MAST4: variants seen among roughly 807,000 people sequenced by gnomAD.
MAST4 encodes microtubule-associated serine/threonine-protein kinase 4.
In MAST4, 89 loss-of-function variants were observed where a neutral mutation model predicts 162.7. That is an observed-to-expected ratio of 0.55 (90% confidence interval 0.46 to 0.65). MAST4 has a LOEUF of 0.65. Ranked by LOEUF, MAST4 falls within the 30% of genes least tolerant of loss-of-function variation. The pLI is 0.00. For synonymous variants in MAST4, 1,479 were observed against 1,361.1 expected (o/e 1.09, Z -1.91); for missense variants, 3,153 against 3,374.0 (o/e 0.93, Z 1.62).
At chr5:66,747,606 C>G (rs1332115790) in intron 1 of MAST4, among the ~76,000 whole-genome samples, 1 of 152,180 alleles carries the variant, frequency 6.6e-6, no homozygotes, top group Non-Finnish European at 1.5e-5. Context: ...CTGTGCTCTT[C>G]CTCTGTCCCG....
chr5:66,656,322 T>C (rs1484174883), intron 1 of MAST4, among the ~76,000 whole-genome samples: 2 of 152,250 alleles, frequency 1.3e-5, no homozygotes, highest in Non-Finnish European at 2.9e-5. Flanking sequence ...AAATTTGCCT[T>C]CTCTGGCATG....
intron 3 of MAST4, among the ~76,000 whole-genome samples, chr5:66,800,845 T>G (rs1190118691): frequency 6.6e-6 from 1 of 152,180 alleles, no homozygotes; most frequent in Non-Finnish European, 1.5e-5. Context: ...ATAAAAAATA[T>G]GAGTTGTAGG....
intron 4 of MAST4, among the ~76,000 whole-genome samples, chr5:67,002,774 G>A (rs1751438979): frequency 6.6e-6 from 1 of 151,924 alleles, no homozygotes; most frequent in South Asian, 2.1e-4. Context: ...GAGATTTAAG[G>A]TCATAGTAAG....
chr5:66,768,178 G>A (rs753910647), intron 2 of MAST4, among the ~76,000 whole-genome samples: 1 of 152,250 alleles, frequency 6.6e-6, no homozygotes, highest in Non-Finnish European at 1.5e-5. Flanking sequence ...GAAATATAAA[G>A]TATGAGCTGG....
intron 4 of MAST4, among the ~76,000 whole-genome samples, chr5:67,049,078 T>TACGTATATATATATATAC: frequency 2.2e-5 from 3 of 138,786 alleles, no homozygotes; most frequent in African/African-American, 8.4e-5. Flanking sequence ...TATATATATA[T>TACGTATATATATATATAC]ACACTACCAT....
chr5:66,733,782 G>T (rs1254893875), intron 1 of MAST4, among the ~76,000 whole-genome samples: 3 of 151,810 alleles, frequency 2.0e-5, no homozygotes, highest in Non-Finnish European at 4.4e-5. Context: ...TTTTTAAAGT[G>T]AAATTATAAT....
chr5:66,751,689 C>T (rs7728362), intron 1 of MAST4, among the ~76,000 whole-genome samples: 2 of 147,718 alleles, frequency 1.4e-5, no homozygotes, highest in South Asian at 2.3e-4. Context: ...GAAAGTGATG[C>T]GGAGAATGGA....
chr5:67,097,574 C>T lies in MAST4; in HGVS notation c.912+1899C>T, dbSNP rs764215979. Among the ~76,000 whole-genome samples the T allele has an allele frequency of 2.6e-5, 4 of 152,186 alleles. No homozygotes were observed. In the East Asian group the frequency reaches 5.8e-4, roughly 22 times the overall value. ...ACCTGGTCGTCAGTCAAAATGAAAT[C>T]GTTGCTGTCTCTAAATTCTGTATGT... On this transcript the variant is annotated intron_variant, in intron 7 of 28. Coordinates refer to ENST00000403625, the MANE Select transcript of MAST4 (RefSeq NM_001164664.2).
chr5:66,630,309 A>G (rs1309342791), intron 1 of MAST4, among the ~76,000 whole-genome samples: 1 of 152,188 alleles, frequency 6.6e-6, no homozygotes, highest in Non-Finnish European at 1.5e-5. Context: ...AAACTTGATC[A>G]CTTTTGTTCT....
intron 4 of MAST4, among the ~76,000 whole-genome samples, chr5:66,934,089 G>T: frequency 6.6e-6 from 1 of 151,848 alleles, no homozygotes; most frequent in Admixed American, 6.6e-5. Flanking sequence ...CAACATAATT[G>T]CAAAAAAAGT....
chr5:66,685,914 G>T (rs1561261553), intron 1 of MAST4, among the ~76,000 whole-genome samples: 1 of 152,144 alleles, frequency 6.6e-6, no homozygotes, highest in Non-Finnish European at 1.5e-5. Flanking sequence ...GGATGAAACT[G>T]TTCCACCTCA....
intron 3 of MAST4, among the ~76,000 whole-genome samples, chr5:66,861,902 A>T (rs1479511549): frequency 2.0e-5 from 3 of 152,164 alleles, no homozygotes; most frequent in Admixed American, 2.0e-4. Context: ...TCAGTGTTGT[A>T]ATGATGATTG....
intron 1 of MAST4, among the ~76,000 whole-genome samples, chr5:66,755,800 T>C (rs1449639085): frequency 1.3e-5 from 2 of 152,146 alleles, no homozygotes; most frequent in African/African-American, 4.8e-5. Context: ...ATCTACTCTG[T>C]GATTTTCAAG....
chr5:67,089,395 G>A (rs969867546), intron 5 of MAST4, among the ~76,000 whole-genome samples: 3 of 152,170 alleles, frequency 2.0e-5, no homozygotes, highest in Admixed American at 6.5e-5. Flanking sequence ...TCCTTCCAAC[G>A]AGCAATCACT....
At chr5:66,942,215 A>G (rs1039312433) in intron 4 of MAST4, among the ~76,000 whole-genome samples, 1 of 152,124 alleles carries the variant, frequency 6.6e-6, no homozygotes, top group Non-Finnish European at 1.5e-5. Context: ...GAGCACAATA[A>G]AACTAGGTAT....
At chr5:66,813,559 T>C (rs1327156373) in intron 3 of MAST4, among the ~76,000 whole-genome samples, 3 of 152,262 alleles carry the variant, frequency 2.0e-5, no homozygotes, top group Admixed American at 2.0e-4. Context: ...TGCAGGAGAA[T>C]TTCCTCCAGG....
intron 7 of MAST4, among the ~76,000 whole-genome samples, chr5:67,099,805 C>G (rs1419493931): frequency 6.6e-6 from 1 of 151,710 alleles, no homozygotes. Flanking sequence ...TTCACCACCA[C>G]TTGAAGGTTT....
chr5:67,039,416 G>A (rs1282199071), intron 4 of MAST4, among the ~76,000 whole-genome samples: 4 of 152,208 alleles, frequency 2.6e-5, no homozygotes, highest in Non-Finnish European at 5.9e-5. Flanking sequence ...CAGGAATCCA[G>A]GGACACAGTG....
At chr5:66,785,032 T>C (rs143710797) in intron 2 of MAST4, among the ~76,000 whole-genome samples, 1,670 of 152,166 alleles carry the variant, frequency 0.011, 14 homozygotes, top group Non-Finnish European at 0.019. Context: ...TGAGCCGAGA[T>C]TGTGCCATTG....
Sources: allele counts gnomAD v4.1 joint callset (sites outside exome capture counted in the v4.1 genomes callset), GRCh38; gene constraint gnomAD v4.1.1; transcripts MANE v1.5; gene names NCBI Gene and HGNC (gene_info 2026-07-23, HGNC 2026-07-21).